Variants in TACC1 observed in about 807,000 individuals in gnomAD.
The protein encoded by TACC1 is transforming acidic coiled-coil containing protein 1.
A neutral mutation model predicts 84.4 loss-of-function variants in TACC1; 48 were observed. The observed-to-expected ratio is 0.57, with a 90% CI of 0.45 to 0.72. The LOEUF is 0.72. TACC1 is among the 30% of genes least tolerant of loss of function. The pLI, the probability that TACC1 is intolerant of heterozygous loss-of-function variation, is 0.00. For synonymous variants in TACC1, 372 were observed against 376.3 expected (o/e 0.99, Z 0.13); for missense variants, 920 against 973.0 (o/e 0.95, Z 0.72).
chr8:38,757,600 G>T (rs1446435069), intron 3 of TACC1, among the ~76,000 whole-genome samples: 3 of 151,910 alleles, frequency 2.0e-5, no homozygotes, highest in Non-Finnish European at 2.9e-5. Flanking sequence ...GGCTGGGAGC[G>T]TCCTGCCAGG....
chr8:38,831,452 G>T (rs1829220072), intron 6 of TACC1, among the ~76,000 whole-genome samples: 1 of 152,096 alleles, frequency 6.6e-6, no homozygotes, highest in Non-Finnish European at 1.5e-5. Flanking sequence ...TAATATTTTG[G>T]ATGTCTTGGG....
At chr8:38,754,150 C>T (rs528181765) in intron 3 of TACC1, among the ~76,000 whole-genome samples, 1 of 152,116 alleles carries the variant, frequency 6.6e-6, no homozygotes, top group African/African-American at 2.4e-5. Flanking sequence ...AGACAGGTTT[C>T]GCCATGTTGG....
At chr8:38,730,902 G>A (rs886197265) in intron 1 of TACC1, among the ~76,000 whole-genome samples, 2 of 152,060 alleles carry the variant, frequency 1.3e-5, no homozygotes, top group Admixed American at 1.3e-4. Context: ...TTTTCTCTGA[G>A]AGGTGGTATA....
At chr8:38,747,244 A>G (rs1808252509) in intron 3 of TACC1, among the ~76,000 whole-genome samples, 2 of 152,256 alleles carry the variant, frequency 1.3e-5, no homozygotes, top group Admixed American at 6.5e-5. Flanking sequence ...ACTGTCATTC[A>G]TTGTTGATGG....
chr8:38,841,793 A>C (rs1196430271), intron 9 of TACC1, among the ~76,000 whole-genome samples: 3 of 152,160 alleles, frequency 2.0e-5, no homozygotes, highest in African/African-American at 7.2e-5. Context: ...GTGCCTTTAC[A>C]AAACAACAGG....
intron 3 of TACC1, among the ~76,000 whole-genome samples, chr8:38,765,591 C>T (rs549993740): frequency 4.6e-5 from 7 of 152,216 alleles, no homozygotes; most frequent in African/African-American, 1.4e-4. Flanking sequence ...TTTTTATTCC[C>T]ATTCATTGAA....
chr8:38,815,042 A>G (rs1174229333), intron 2 of TACC1, among the ~76,000 whole-genome samples: 1 of 152,240 alleles, frequency 6.6e-6, no homozygotes, highest in African/African-American at 2.4e-5. Context: ...AGTTTTCTAG[A>G]TGGAGAAACA....
chr8:38,828,940 T>C (rs908412798), intron 5 of TACC1, among the ~76,000 whole-genome samples: 1 of 152,198 alleles, frequency 6.6e-6, no homozygotes, highest in Non-Finnish European at 1.5e-5. Context: ...ATGTGGTAAG[T>C]TGAGATTGAC....
At chr8:38,810,801 T>C (rs6998357) in intron 2 of TACC1, among the ~76,000 whole-genome samples, 54,053 of 151,908 alleles carry the variant, frequency 0.36, 9,672 homozygotes, top group Non-Finnish European at 0.38. Flanking sequence ...ATACTTCTAC[T>C]TATTCAACAT....
intron 3 of TACC1, among the ~76,000 whole-genome samples, chr8:38,821,098 G>A (rs555312165): frequency 5.9e-5 from 9 of 152,100 alleles, no homozygotes; most frequent in African/African-American, 1.2e-4. Context: ...CCAGCCACCC[G>A]GGAGGCTGAG....
intron 1 of TACC1, among the ~76,000 whole-genome samples, chr8:38,732,852 G>A (rs1805230726): frequency 6.6e-6 from 1 of 152,198 alleles, no homozygotes; most frequent in African/African-American, 2.4e-5. Flanking sequence ...TATAGTTCTA[G>A]TGAATCTAAT....
intron 2 of TACC1, among the ~76,000 whole-genome samples, chr8:38,798,759 C>T (rs933853472): frequency 2.6e-5 from 4 of 152,152 alleles, no homozygotes; most frequent in South Asian, 4.1e-4. Flanking sequence ...CCCATGCTTC[C>T]GGGGATCCTG....
At position 38,743,530 on chromosome 8, in the gene TACC1, G is replaced by A. The variant is rs911524312; in HGVS notation, c.-574+1079G>A. 1.0e-3 allele frequency among the ~76,000 whole-genome samples: 155 copies of A among 152,168 alleles called. 1 individual carries two copies. Among genetic ancestry groups the A allele is most frequent in the Non-Finnish European group, 1.6e-3 (108 of 68,040 alleles). On this transcript the variant is annotated intron_variant, in intron 2 of 14. Transcript: ENST00000518415. ...TTACAGAGCACTCCTTATCTATAGA[G>A]TAGGGTGAAATGATTGCTGGCAAGG...
chr8:38,813,456 C>G (rs982593930), intron 2 of TACC1, among the ~76,000 whole-genome samples: 1 of 152,154 alleles, frequency 6.6e-6, no homozygotes, highest in Non-Finnish European at 1.5e-5. Context: ...CTTAGTAGCC[C>G]ATTGCCTAGT....
Position 38,730,202 on chromosome 8 carries a change from G to A in TACC1, c.-675+1531G>A, listed in dbSNP as rs575160066. ...AGGCTCTTACTCCGTCCTCCCATCC[G>A]CCTCCTTGAATGATCGCCTTCTGCC... On this transcript the variant is annotated intron_variant, in intron 1 of 14. Transcript: ENST00000518415. Among the ~76,000 whole-genome samples, 93 of 152,292 alleles carry A rather than the reference G, an allele frequency of 6.1e-4. 2 individuals are homozygous for A. In the South Asian group the frequency reaches 0.018, roughly 29 times the overall value.
chr8:38,733,303 CTTT>C (rs113616267), intron 1 of TACC1, among the ~76,000 whole-genome samples: 1 of 146,264 alleles, frequency 6.8e-6, no homozygotes. Context: ...AATTGATCCT[CTTT>C]TTTTTTTTTG....
rs945096825 is a variant in TACC1 at position 38,836,201 on chromosome 8, G to A, written c.1753G>A (p.Val585Met). ...ESSAEKAPVS[V>M]SCGGESPLDG... ...CTCTGCAGAGAAGGCCCCTGTGTCG[G>A]TGTCCTGTGGAGGTGAGAGCCCCCT... Residue 585 changes from valine to methionine, a missense_variant, in exon 7 of 13, where the codon GTG (valine) becomes ATG (methionine). Transcript: ENST00000317827. 1 of 1,613,272 alleles carries A rather than the reference G, an allele frequency of 6.2e-7. No individual in the cohort carries two copies. Among genetic ancestry groups the A allele is most frequent in the African/African-American group, 1.3e-5 (1 of 74,930 alleles).
intron 3 of TACC1, among the ~76,000 whole-genome samples, chr8:38,770,668 A>G (rs949724693): frequency 6.6e-6 from 1 of 152,058 alleles, no homozygotes; most frequent in African/African-American, 2.4e-5. Context: ...GACTGACTTT[A>G]ATTAAAGTGT....
chr8:38,787,190 G>T (rs1284694471), upstream of TACC1: 1 of 986,730 alleles, frequency 1.0e-6, no homozygotes, highest in East Asian at 1.1e-4. Flanking sequence ...CTTCTGGGGC[G>T]CGGCTCCGGC....
Sources: allele counts gnomAD v4.1 joint callset (sites outside exome capture counted in the v4.1 genomes callset), GRCh38; gene constraint gnomAD v4.1.1; transcripts MANE v1.5; gene names NCBI Gene and HGNC (gene_info 2026-07-23, HGNC 2026-07-21).